NCS1: variants seen among roughly 807,000 people sequenced by gnomAD.
The protein encoded by NCS1 is neuronal calcium sensor 1, also known as frequenin homolog.
NCS1 carries 6 observed loss-of-function variants against 28.4 expected under a neutral mutation model. The ratio of observed to expected loss-of-function variants is 0.21; its 90% CI spans 0.12 to 0.42. The LOEUF is 0.42. Among genes scored for constraint, NCS1 ranks in the 10% least tolerant of loss-of-function variants. The probability of loss-of-function intolerance (pLI) is 1.00; values close to 1 mark genes in which losing one functional copy is unlikely to be tolerated. For missense variants in NCS1, 131 were observed against 241.4 expected (o/e 0.54, Z 3.03); for synonymous variants, 86 against 99.3 (o/e 0.87, Z 0.79).
intron 1 of NCS1, among the ~76,000 whole-genome samples, chr9:130,185,795 T>C (rs1329735641): frequency 6.6e-6 from 1 of 152,264 alleles, no homozygotes; most frequent in Admixed American, 6.5e-5. Flanking sequence ...CCTCGGCCAG[T>C]GGCCCCACCA....
Position 130,219,602 on chromosome 9 carries a change from A to T in NCS1, c.229-123A>T. The T allele has an allele frequency of 1.3e-6, 1 of 751,902 alleles. No homozygotes were observed. The highest frequency in any genetic ancestry group is 2.2e-6 in the Non-Finnish European group (1 of 463,874). The allele number at this position is 751,902 out of a possible 1,614,324, so 46.6% of individuals were successfully genotyped here. On this transcript the variant is annotated intron_variant, in intron 3 of 7. Coordinates refer to ENST00000372398, the MANE Select transcript of NCS1 (RefSeq NM_014286.4). This position sits in a 1 kb window ranked among gnomAD's most constrained non-coding sequence, Gnocchi z 5.7. ...CCATTCCTTCGAGCCTGCCCTCTCC[A>T]CCTGAGTGTCCATTGGCCACAGTGT...
At chr9:130,223,425 G>A (rs1554910913) in intron 6 of NCS1, among the ~76,000 whole-genome samples, 3 of 151,882 alleles carry the variant, frequency 2.0e-5, no homozygotes, top group Non-Finnish European at 2.9e-5. Flanking sequence ...GCATTCTGGA[G>A]AAGCCTACAG....
At chr9:130,216,269 G>C (rs1372481300) in intron 2 of NCS1, among the ~76,000 whole-genome samples, 1 of 152,192 alleles carries the variant, frequency 6.6e-6, no homozygotes, top group Non-Finnish European at 1.5e-5. Context: ...ATTAGAATGG[G>C]GGACAGTGGG....
chr9:130,178,898 GCCCTCCCCTCCCCTTCCCTCCCCTT>G (rs1832616760), intron 1 of NCS1, among the ~76,000 whole-genome samples: 1 of 17,266 alleles, frequency 5.8e-5, no homozygotes, highest in African/African-American at 1.9e-4. Flanking sequence ...CCCCTCCCCT[GCCCTCCCCTCCCCTTCCCTCCCCTT>G]CCCTCCCCTT....
intron 1 of NCS1, among the ~76,000 whole-genome samples, chr9:130,194,248 CG>C (rs1554906536): frequency 6.7e-6 from 1 of 150,014 alleles, no homozygotes; most frequent in Non-Finnish European, 1.5e-5. Flanking sequence ...GACTGGCTCT[CG>C]TGTTCATTCC....
intron 2 of NCS1, among the ~76,000 whole-genome samples, chr9:130,213,751 G>A (rs928816274): frequency 1.3e-5 from 2 of 151,840 alleles, no homozygotes; most frequent in Non-Finnish European, 2.9e-5. Flanking sequence ...TGCTTATTTT[G>A]TATATATAGT....
intron 1 of NCS1, among the ~76,000 whole-genome samples, chr9:130,193,463 T>G (rs1318161170): frequency 6.6e-6 from 1 of 151,998 alleles, no homozygotes; most frequent in African/African-American, 2.4e-5. Flanking sequence ...GGGGGCATTC[T>G]CGTATTTTTG....
chr9:130,225,043 T>C (rs1554911210), intron 6 of NCS1, among the ~76,000 whole-genome samples: 2 of 152,060 alleles, frequency 1.3e-5, no homozygotes, highest in Non-Finnish European at 2.9e-5. Flanking sequence ...AATACAAAAA[T>C]TAGCCGGGTG....
At chr9:130,220,469 AGAGCTGGGGATGAGAG>A (rs577952322) in intron 4 of NCS1, among the ~76,000 whole-genome samples, 16 of 152,164 alleles carry the variant, frequency 1.1e-4, no homozygotes, top group African/African-American at 1.9e-4. Context: ...TGGTAGGCGC[AGAGCTGGGGATGAGAG>A]GAGCTGGGGA....
At chr9:130,214,737 G>C (rs1554909145) in intron 2 of NCS1, among the ~76,000 whole-genome samples, 1 of 152,190 alleles carries the variant, frequency 6.6e-6, no homozygotes, top group African/African-American at 2.4e-5. Flanking sequence ...TGGGGGGTTT[G>C]GCAGGAGGAA....
chr9:130,178,838 TCCCC>T (rs1832612819), intron 1 of NCS1, among the ~76,000 whole-genome samples: 2 of 2,340 alleles, frequency 8.5e-4, no homozygotes, highest in Non-Finnish European at 1.6e-3. Context: ...TTGGTTTCCC[TCCCC>T]TCCCCTCCCC....
chr9:130,196,159 C>T (rs1588114024), intron 1 of NCS1, among the ~76,000 whole-genome samples: 1 of 152,200 alleles, frequency 6.6e-6, no homozygotes, highest in Non-Finnish European at 1.5e-5. Flanking sequence ...CTGCTGGGGG[C>T]ACAGGACCTT....
At chr9:130,224,193 A>G (rs1554911043) in intron 6 of NCS1, among the ~76,000 whole-genome samples, 2 of 145,496 alleles carry the variant, frequency 1.4e-5, no homozygotes, top group Non-Finnish European at 3.0e-5. Flanking sequence ...GGTGGCTCAC[A>G]CCTGTAATCC....
intron 2 of NCS1, among the ~76,000 whole-genome samples, chr9:130,208,053 G>C (rs1891303): frequency 0.93 from 141,220 of 152,136 alleles, 65,612 homozygotes; most frequent in East Asian, 1. Context: ...TCCCAGGCCT[G>C]TAAAGGTGAC....
intron 2 of NCS1, among the ~76,000 whole-genome samples, chr9:130,210,461 G>A (rs1456971654): frequency 6.6e-6 from 1 of 152,044 alleles, no homozygotes; most frequent in South Asian, 2.1e-4. Flanking sequence ...GGGGACTCGG[G>A]AGGGTATTGT....
At chr9:130,200,427 G>A (rs1832925263) in intron 1 of NCS1, 13 of 710,302 alleles carry the variant, frequency 1.8e-5, no homozygotes, top group African/African-American at 3.6e-5. Flanking sequence ...GAAAGAGCCC[G>A]GGCTGACCAC....
At chr9:130,216,013 G>A (rs1554909296) in intron 2 of NCS1, among the ~76,000 whole-genome samples, 1 of 152,166 alleles carries the variant, frequency 6.6e-6, no homozygotes, top group Non-Finnish European at 1.5e-5. Context: ...CTGGGTGCCT[G>A]AGCTTCACCT....
intron 2 of NCS1, among the ~76,000 whole-genome samples, chr9:130,216,212 A>G (rs1206632375): frequency 5.3e-5 from 8 of 151,902 alleles, no homozygotes; most frequent in Non-Finnish European, 1.0e-4. Context: ...TACTCCCATA[A>G]CCCTCTCCGA....
In NCS1 at chr9:130,236,848, G is replaced by T. The variant is rs1388366000; in HGVS notation, c.*3876G>T. ...TTGCGCAAGTCAGTTCTGCTCATTGGGTCTCAATTTCCCCATCCCTTGGAT... is the reference window on the plus strand; with the variant it reads ...TTGCGCAAGTCAGTTCTGCTCATTGTGTCTCAATTTCCCCATCCCTTGGAT... On this transcript the variant is annotated 3_prime_UTR_variant, in exon 8 of 8. Coordinates refer to ENST00000372398, the MANE Select transcript of NCS1 (RefSeq NM_014286.4). The T allele has an allele frequency of 6.6e-6, 1 of 152,068 alleles. No homozygotes were observed. Among genetic ancestry groups the T allele is most frequent in the Non-Finnish European group, 1.5e-5 (1 of 68,034 alleles). The allele number at this position is 152,068 out of a possible 1,614,324, so 9.4% of individuals were successfully genotyped here.
Sources: allele counts gnomAD v4.1 joint callset (sites outside exome capture counted in the v4.1 genomes callset), GRCh38; gene constraint gnomAD v4.1.1; non-coding constraint Gnocchi (gnomAD v3.1); transcripts MANE v1.5; gene names NCBI Gene and HGNC (gene_info 2026-07-23, HGNC 2026-07-21).